The following PREX1 variants were observed in gnomAD, a reference collection of about 807,000 sequenced individuals.
The protein encoded by PREX1 is phosphatidylinositol-3,4,5-trisphosphate dependent Rac exchange factor 1, also known as phosphatidylinositol 3,4,5-trisphosphate-dependent Rac exchanger 1 protein.
PREX1 carries 41 observed loss-of-function variants against 198.3 expected under a neutral mutation model. The ratio of observed to expected loss-of-function variants is 0.21; its 90% CI spans 0.16 to 0.27. The LOEUF (loss-of-function observed/expected upper bound fraction) is 0.27. PREX1 is among the 10% of genes least tolerant of loss of function. The pLI is 1.00. For synonymous variants in PREX1, 843 were observed against 887.2 expected, an observed-to-expected ratio of 0.95 and a Z score of 0.89; for missense variants, 1,620 against 2,200.7, an observed-to-expected ratio of 0.74 and a Z score of 5.28.
At chr20:48,833,200 A>G in the PREX1 span, among the ~76,000 whole-genome samples, 4 of 152,172 alleles carry the variant, frequency 2.6e-5, no homozygotes, top group African/African-American at 9.7e-5. Flanking sequence ...GGTGTTTGCT[A>G]TTGTAAGTGG....
At chr20:48,802,862 G>A (rs895336499) in intron 1 of PREX1, among the ~76,000 whole-genome samples, 25 of 152,214 alleles carry the variant, frequency 1.6e-4, no homozygotes, top group Admixed American at 6.5e-5. Flanking sequence ...AAGCCAGGCC[G>A]TTCTGCGAGC....
chr20:48,831,167 A>G (rs1479269471), upstream of PREX1, among the ~76,000 whole-genome samples: 3 of 152,126 alleles, frequency 2.0e-5, no homozygotes, highest in Admixed American at 2.0e-4. Context: ...CACACCTCCA[A>G]TGAAGGAAAG....
the PREX1 span, among the ~76,000 whole-genome samples, chr20:48,855,637 G>A: frequency 2.6e-5 from 4 of 152,202 alleles, no homozygotes; most frequent in South Asian, 2.1e-4. Context: ...AGTGGCTCAC[G>A]CCTGTAATCC....
At chr20:48,716,874 A>T (rs1442922280) in intron 5 of PREX1, among the ~76,000 whole-genome samples, 2 of 152,158 alleles carry the variant, frequency 1.3e-5, no homozygotes, top group Non-Finnish European at 2.9e-5. Flanking sequence ...ACTGTAAGAA[A>T]GCAGCCTCCT....
intron 6 of PREX1, among the ~76,000 whole-genome samples, chr20:48,701,421 T>C (rs1364754556): frequency 2.0e-5 from 3 of 151,882 alleles, no homozygotes; most frequent in African/African-American, 7.3e-5. Context: ...ACCACGTTGG[T>C]CAGGCTGGTC....
chr20:48,708,993 T>C (rs938082808), intron 5 of PREX1, among the ~76,000 whole-genome samples: 3 of 152,110 alleles, frequency 2.0e-5, no homozygotes, highest in Admixed American at 6.5e-5. Context: ...GCAAATGAAG[T>C]GGCTCTTAAT....
chr20:48,761,141 C>T (rs182964067), intron 1 of PREX1, among the ~76,000 whole-genome samples: 35 of 152,306 alleles, frequency 2.3e-4, no homozygotes, highest in African/African-American at 7.9e-4. Context: ...AACAGCATTG[C>T]GTGTATCGGA....
intron 1 of PREX1, 146 bp from the exon 2 acceptor site, chr20:48,748,026 C>T: frequency 5.6e-6 from 4 of 711,730 alleles, no homozygotes; most frequent in Non-Finnish European, 9.7e-6. Flanking sequence ...CGAGGAAAAA[C>T]GTGCTCTGCT....
At chr20:48,808,093 G>GGATCCTGT (rs2090420031) in intron 1 of PREX1, among the ~76,000 whole-genome samples, 1 of 152,142 alleles carries the variant, frequency 6.6e-6, no homozygotes, top group Admixed American at 6.5e-5. Context: ...GGAACATTCT[G>GGATCCTGT]GATCCTGTTC....
At chr20:48,645,752 T>A in intron 26 of PREX1, 99 bp downstream of exon 26, 1 of 1,351,900 alleles carries the variant, frequency 7.4e-7, no homozygotes. Context: ...CACTGCACCC[T>A]GAGAAGTGTC....
intron 1 of PREX1, among the ~76,000 whole-genome samples, chr20:48,783,148 A>G (rs905627434): frequency 6.6e-6 from 1 of 152,200 alleles, no homozygotes; most frequent in Non-Finnish European, 1.5e-5. Context: ...CATGCCTGAT[A>G]TGGTTGAATG....
At chr20:48,687,026 G>A (rs570328553) in intron 10 of PREX1, among the ~76,000 whole-genome samples, 1 of 152,108 alleles carries the variant, frequency 6.6e-6, no homozygotes, top group South Asian at 2.1e-4. Flanking sequence ...CCACCTTCTC[G>A]CCAGCAGCTC....
chr20:48,672,070 C>A (rs2122987437), intron 14 of PREX1, among the ~76,000 whole-genome samples: 1 of 152,338 alleles, frequency 6.6e-6, no homozygotes, highest in Non-Finnish European at 1.5e-5. Context: ...CAGCACTGGC[C>A]ACGAGAAAGC....
At chr20:48,787,934 G>A (rs1304664808) in intron 1 of PREX1, among the ~76,000 whole-genome samples, 1 of 152,102 alleles carries the variant, frequency 6.6e-6, no homozygotes, top group Non-Finnish European at 1.5e-5. Flanking sequence ...CTCAAAATTA[G>A]GGAAGTCACA....
At chr20:48,651,703 G>T in intron 21 of PREX1, 120 bp from the exon 22 acceptor site, 1 of 924,830 alleles carries the variant, frequency 1.1e-6, no homozygotes, top group Non-Finnish European at 1.6e-6. Flanking sequence ...AGGCCCCAGG[G>T]CAGGAGTACA....
Position 48,803,723 on chromosome 20 carries a change from C to G in PREX1, c.219+23919G>C, listed in dbSNP as rs2090397806. On this transcript the variant is annotated intron_variant, in intron 1 of 39. Coordinates refer to ENST00000371941, the MANE Select transcript of PREX1 (RefSeq NM_020820.4). The stretch of plus-strand genomic sequence containing the variant: ...TGGTTGTGGGGCAGCCGGCACCTCA[C>G]CCCATCTACACTGACGAACCTGTGA... Among the ~76,000 whole-genome samples the G allele has an allele frequency of 2.0e-5, 3 of 151,708 alleles. No individual in the cohort carries two copies. The South Asian group carries it at 6.2e-4, about 32-fold the overall frequency.
At chr20:48,789,882 T>C (rs765922963) in intron 1 of PREX1, among the ~76,000 whole-genome samples, 1 of 149,982 alleles carries the variant, frequency 6.7e-6, no homozygotes, top group Non-Finnish European at 1.5e-5. Context: ...GGTGGGGAGA[T>C]GGATGGGTGA....
chr20:48,724,580 G>A (rs2090001500), intron 5 of PREX1, among the ~76,000 whole-genome samples: 1 of 152,186 alleles, frequency 6.6e-6, no homozygotes, highest in African/African-American at 2.4e-5. Flanking sequence ...TCCACTCTCT[G>A]CTACATATTC....
At chr20:48,796,502 C>A (rs565315901) in intron 1 of PREX1, among the ~76,000 whole-genome samples, 2 of 152,024 alleles carry the variant, frequency 1.3e-5, no homozygotes, top group African/African-American at 4.8e-5. Flanking sequence ...TGTATGACAC[C>A]GGGGCCAGTG....
Sources: gnomAD v4.1 joint callset for allele counts (sites outside exome capture counted in the v4.1 genomes callset) on GRCh38, gnomAD v4.1.1 for gene constraint, MANE v1.5 for transcripts, NCBI Gene and HGNC (gene_info 2026-07-23, HGNC 2026-07-21) for gene names.